MINDY3: variants seen among roughly 807,000 people sequenced by gnomAD.
MINDY3 encodes the protein ubiquitin carboxyl-terminal hydrolase MINDY-3.
MINDY3 carries 38 observed loss-of-function variants against 69.2 expected under a neutral mutation model. The observed-to-expected ratio is 0.55, with a 90% CI of 0.42 to 0.72. The LOEUF (loss-of-function observed/expected upper bound fraction) is 0.72, where lower values mean the gene tolerates loss of function less well. Among genes scored for constraint, MINDY3 ranks in the 30% least tolerant of loss-of-function variants. The pLI, the probability that MINDY3 is intolerant of heterozygous loss-of-function variation, is 0.00. For missense variants in MINDY3, 522 were observed against 519.0 expected (o/e 1.01, Z -0.06); for synonymous variants, 192 against 180.1 (o/e 1.07, Z -0.53).
chr10:15,800,662 T>A (rs1242784863), intron 10 of MINDY3, among the ~76,000 whole-genome samples: 1 of 151,914 alleles, frequency 6.6e-6, no homozygotes, highest in Non-Finnish European at 1.5e-5. Flanking sequence ...GAAACCAAAG[T>A]CAGGACGTAA....
intron 11 of MINDY3, among the ~76,000 whole-genome samples, chr10:15,791,772 G>GT (rs1470506863): frequency 1.3e-5 from 2 of 152,162 alleles, no homozygotes; most frequent in Non-Finnish European, 2.9e-5. Context: ...AGTGAGGCAT[G>GT]TAATTTCCTG....
intron 10 of MINDY3, among the ~76,000 whole-genome samples, chr10:15,812,872 C>T (rs1403944726): frequency 3.3e-5 from 5 of 152,172 alleles, no homozygotes; most frequent in Non-Finnish European, 7.4e-5. Context: ...TTAGACATTT[C>T]TACCCCTCCG....
chr10:15,793,146 C>T (rs1469475481), intron 11 of MINDY3, among the ~76,000 whole-genome samples: 2 of 152,034 alleles, frequency 1.3e-5, no homozygotes, highest in Non-Finnish European at 2.9e-5. Context: ...AAAACATGTA[C>T]CTGAATACGA....
chr10:15,835,436 C>T (rs1359505717), intron 6 of MINDY3, among the ~76,000 whole-genome samples: 5 of 152,072 alleles, frequency 3.3e-5, no homozygotes, highest in Admixed American at 2.0e-4. Flanking sequence ...GACTAAATCC[C>T]GCAGGGGGAA....
chr10:15,820,042 T>C (rs956675276), intron 9 of MINDY3, among the ~76,000 whole-genome samples: 3 of 152,188 alleles, frequency 2.0e-5, no homozygotes, highest in Non-Finnish European at 2.9e-5. Context: ...CCAGAGTCTA[T>C]ATTCCATTAG....
At chr10:15,827,298 T>C (rs559678048) in intron 8 of MINDY3, among the ~76,000 whole-genome samples, 1 of 151,944 alleles carries the variant, frequency 6.6e-6, no homozygotes, top group South Asian at 2.1e-4. Flanking sequence ...TCTCAGCACT[T>C]TGGAAGGCCG....
chr10:15,851,606 G>A (rs547154971), intron 1 of MINDY3, among the ~76,000 whole-genome samples: 122 of 152,034 alleles, frequency 8.0e-4, no homozygotes, highest in African/African-American at 2.8e-3. Context: ...TATCTTTAAC[G>A]TGTCCATTTC....
At chr10:15,857,345 A>G in intron 1 of MINDY3, among the ~76,000 whole-genome samples, 1 of 152,044 alleles carries the variant, frequency 6.6e-6, no homozygotes, top group East Asian at 1.9e-4. Context: ...AGGACACCCC[A>G]CCCAGAACTC....
At chr10:15,821,597 A>G (rs1425331088) in intron 9 of MINDY3, 59 bp downstream of exon 9, 1 of 1,270,460 alleles carries the variant, frequency 7.9e-7, no homozygotes, top group African/African-American at 1.5e-5. Context: ...ACAAAACAGT[A>G]TCCACAATAG....
chr10:15,815,907 A>C (rs1839324009), intron 10 of MINDY3, among the ~76,000 whole-genome samples: 1 of 152,216 alleles, frequency 6.6e-6, no homozygotes, highest in Non-Finnish European at 1.5e-5. Flanking sequence ...ATTGTGGAAA[A>C]ACATGATATA....
chr10:15,829,759 C>A (rs999693787), intron 8 of MINDY3, among the ~76,000 whole-genome samples: 1 of 152,164 alleles, frequency 6.6e-6, no homozygotes, highest in African/African-American at 2.4e-5. Context: ...GAGACCACAA[C>A]AGACTTGGCA....
At chr10:15,822,698 T>C (rs917447663) in intron 8 of MINDY3, among the ~76,000 whole-genome samples, 1 of 152,024 alleles carries the variant, frequency 6.6e-6, no homozygotes, top group Non-Finnish European at 1.5e-5. Flanking sequence ...GAGGGATAAA[T>C]AGCCGGAAGT....
At chr10:15,801,124 A>C (rs1231796710) in intron 10 of MINDY3, among the ~76,000 whole-genome samples, 1 of 152,168 alleles carries the variant, frequency 6.6e-6, no homozygotes, top group Non-Finnish European at 1.5e-5. Context: ...CTTTGAGAAG[A>C]AAGAATATCT....
intron 9 of MINDY3, among the ~76,000 whole-genome samples, chr10:15,820,274 C>T (rs925420433): frequency 6.6e-6 from 1 of 152,102 alleles, no homozygotes; most frequent in African/African-American, 2.4e-5. Context: ...CTGGAGAGGG[C>T]TCGGCGTGTC....
intron 10 of MINDY3, among the ~76,000 whole-genome samples, chr10:15,806,565 T>G (rs1462266089): frequency 6.6e-6 from 1 of 152,174 alleles, no homozygotes; most frequent in Non-Finnish European, 1.5e-5. Flanking sequence ...GACTGTTGAT[T>G]CAGAAGGCTG....
chr10:15,853,676 A>G (rs150464025), intron 1 of MINDY3, among the ~76,000 whole-genome samples: 2 of 152,260 alleles, frequency 1.3e-5, no homozygotes, highest in East Asian at 1.9e-4. Flanking sequence ...ATGATGGTCA[A>G]AAGTTATCTC....
chr10:15,852,136 C>A (rs1834344720), intron 1 of MINDY3, among the ~76,000 whole-genome samples: 1 of 152,112 alleles, frequency 6.6e-6, no homozygotes. Flanking sequence ...CAGTACTTAC[C>A]ATAATCTGTA....
chr10:15,858,318 C>T (rs1476793217), intron 1 of MINDY3, among the ~76,000 whole-genome samples: 1 of 152,102 alleles, frequency 6.6e-6, no homozygotes, highest in Non-Finnish European at 1.5e-5. Context: ...AGAATTTCTG[C>T]ATGATTAAAG....
intron 13 of MINDY3, among the ~76,000 whole-genome samples, chr10:15,783,494 T>C (rs1296032272): frequency 6.6e-6 from 1 of 152,174 alleles, no homozygotes; most frequent in African/African-American, 2.4e-5. Context: ...CTCCTCTCCT[T>C]CCTTTTTCCA....
Sources: allele counts gnomAD v4.1 joint callset (sites outside exome capture counted in the v4.1 genomes callset), GRCh38; gene constraint gnomAD v4.1.1; transcripts MANE v1.5; gene names NCBI Gene and HGNC (gene_info 2026-07-23, HGNC 2026-07-21).